WDR64: variants seen among roughly 807,000 people sequenced by gnomAD.
WDR64 encodes WD repeat domain 64, also known as WD repeat-containing protein 64.
In WDR64, 112 loss-of-function variants were observed where a neutral mutation model predicts 139.3. That is an observed-to-expected ratio of 0.80 (90% confidence interval 0.69 to 0.94). The LOEUF is 0.94. Among genes scored for constraint, WDR64 ranks in the 40% least tolerant of loss-of-function variants. The pLI is 0.00. For missense variants in WDR64, 1,206 were observed against 1,293.1 expected, an observed-to-expected ratio of 0.93 and a Z score of 1.03; for synonymous variants, 444 against 437.7, an observed-to-expected ratio of 1.01 and a Z score of -0.18.
intron 1 of WDR64, among the ~76,000 whole-genome samples, chr1:241,657,492 C>T (rs1185517023): frequency 6.6e-6 from 1 of 152,152 alleles, no homozygotes; most frequent in African/African-American, 2.4e-5. Context: ...CTGTAGGTAC[C>T]TCATACCTAC....
chr1:241,759,861 T>C (rs905489222), intron 15 of WDR64, among the ~76,000 whole-genome samples: 2 of 152,216 alleles, frequency 1.3e-5, no homozygotes, highest in Non-Finnish European at 2.9e-5. Flanking sequence ...CTCTATTTAT[T>C]AAACAATAAC....
chr1:241,728,755 C>G (rs1668954858), intron 10 of WDR64, among the ~76,000 whole-genome samples: 1 of 151,730 alleles, frequency 6.6e-6, no homozygotes, highest in Non-Finnish European at 1.5e-5. Context: ...TCAGCAAAAC[C>G]AATGGGAGCA....
At chr1:241,724,624 G>T (rs547681095) in intron 10 of WDR64, among the ~76,000 whole-genome samples, 1 of 152,204 alleles carries the variant, frequency 6.6e-6, no homozygotes, top group South Asian at 2.1e-4. Context: ...ATGAATTAAA[G>T]ATTTTAAATT....
At chr1:241,723,719 A>G (rs1486391246) in intron 10 of WDR64, among the ~76,000 whole-genome samples, 2 of 152,182 alleles carry the variant, frequency 1.3e-5, no homozygotes, top group Non-Finnish European at 2.9e-5. Context: ...CTTTCAATAG[A>G]TAGGAACATT....
intron 10 of WDR64, among the ~76,000 whole-genome samples, chr1:241,725,754 A>G (rs759796402): frequency 2.6e-5 from 4 of 152,106 alleles, no homozygotes; most frequent in Non-Finnish European, 1.5e-5. Flanking sequence ...AAACATGGCT[A>G]GTCCGAATTG....
At chr1:241,770,735 G>A (rs1484968546) in intron 18 of WDR64, 45 bp downstream of exon 18, 2 of 1,533,924 alleles carry the variant, frequency 1.3e-6, no homozygotes, top group Admixed American at 4.0e-5. Flanking sequence ...CATACTCAAT[G>A]TTGGTTCAAA....
rs576278955 is a variant in WDR64 at position 241,702,992 on chromosome 1, T to C, written c.975-8810T>C. Among the ~76,000 whole-genome samples, 303 of 152,296 alleles carry C rather than the reference T, an allele frequency of 2.0e-3. 1 individual carries two copies. The highest frequency in any genetic ancestry group is 7.1e-3 in the African/African-American group (297 of 41,558). The stretch of plus-strand genomic sequence containing the variant: ...TTTCTATTGCACCCTCCCTTGCCCC[T>C]TGGGAATGGGCACAATATGGATCAA... On this transcript the variant is annotated intron_variant, in intron 8 of 27. Transcript: ENST00000437684.
chr1:241,742,615 C>T (rs953364525), intron 12 of WDR64, among the ~76,000 whole-genome samples: 1 of 152,182 alleles, frequency 6.6e-6, no homozygotes, highest in East Asian at 1.9e-4. Context: ...CCTTGTTTAG[C>T]ATGTCATCAA....
chr1:241,775,033 C>T (rs1472930332), intron 20 of WDR64, 72 bp from the exon 21 acceptor site: 11 of 1,199,604 alleles, frequency 9.2e-6, no homozygotes, highest in Non-Finnish European at 1.3e-5. Flanking sequence ...ATAGAAAAAT[C>T]AATTTCAATA....
At chr1:241,723,774 T>C (rs947706510) in intron 10 of WDR64, among the ~76,000 whole-genome samples, 2 of 133,964 alleles carry the variant, frequency 1.5e-5, no homozygotes, top group Admixed American at 1.6e-4. Context: ...GTTTGAAACA[T>C]TCTAACCAAT....
intron 1 of WDR64, among the ~76,000 whole-genome samples, chr1:241,654,913 C>T (rs762569679): frequency 1.3e-5 from 2 of 152,054 alleles, no homozygotes; most frequent in Non-Finnish European, 2.9e-5. Flanking sequence ...AACTTGTGTC[C>T]TATTCCCAAG....
chr1:241,700,641 T>C (rs1053618071), intron 8 of WDR64, among the ~76,000 whole-genome samples: 1 of 152,326 alleles, frequency 6.6e-6, no homozygotes, highest in African/African-American at 2.4e-5. Flanking sequence ...AGAATTCTAA[T>C]GTAACCTTTG....
intron 21 of WDR64, among the ~76,000 whole-genome samples, chr1:241,778,718 A>G (rs1371447201): frequency 6.6e-6 from 1 of 152,110 alleles, no homozygotes; most frequent in Non-Finnish European, 1.5e-5. Context: ...AGTTAATAAT[A>G]TATATTCACA....
At chr1:241,662,410 T>A (rs982969342) in intron 2 of WDR64, among the ~76,000 whole-genome samples, 1 of 152,166 alleles carries the variant, frequency 6.6e-6, no homozygotes, top group Non-Finnish European at 1.5e-5. Flanking sequence ...TCTCAAGGCC[T>A]CAGCTTCTTG....
chr1:241,727,200 T>C (rs1668880550), intron 10 of WDR64, among the ~76,000 whole-genome samples: 1 of 152,170 alleles, frequency 6.6e-6, no homozygotes, highest in African/African-American at 2.4e-5. Flanking sequence ...GAAATTTTAA[T>C]TTTTTTAAGT....
rs1259635420 is a variant in WDR64, at chr1:241,794,515, T to TTTG, written c.2998-690_2998-689insGTT. On this transcript the variant is annotated intron_variant, in intron 25 of 27. Transcript: ENST00000437684. The stretch of plus-strand genomic sequence containing the variant: ...TTTTAAGCTTTACTGTTTTTTTTTT[T>TTTG]TTTTTTTTTTTGAGACAGAGTCTTG... Among the ~76,000 whole-genome samples, 31 of 143,272 alleles carry TTTG rather than the reference T, an allele frequency of 2.2e-4. 1 individual carries two copies. The highest frequency in any genetic ancestry group is 9.4e-4 in the South Asian group (4 of 4,256). The allele number at this position is 143,272 out of a possible 152,430, so 94.0% of individuals were successfully genotyped here. A position where few individuals can be genotyped will look rare whatever the true frequency, so the allele number is the denominator to read the frequency against.
chr1:241,693,425 G>T (rs1029687839), intron 8 of WDR64, among the ~76,000 whole-genome samples: 1 of 150,228 alleles, frequency 6.7e-6, no homozygotes, highest in African/African-American at 2.5e-5. Context: ...AGGGAGCATA[G>T]AGAATTTTAG....
Position 241,683,503 on chromosome 1 carries a change from T to C in WDR64, c.641T>C (p.Ile214Thr), listed in dbSNP as rs1176400520. ...TGTTTCTAGGAAAATTATTTTGTCA[T>C]AAAACCAATGGATCACTGCCTCCTG... ...QGSSQENYFV[I>T]KPMDHCLLCV... Residue 214 changes from isoleucine (I) to threonine (T), a missense_variant, in exon 7 of 28, where the codon ATA (isoleucine) becomes ACA (threonine). Ile to Thr is a moderately conservative substitution (Grantham distance 89, BLOSUM62 -1). Coordinates refer to ENST00000437684, the MANE Select transcript of WDR64 (RefSeq NM_001367482.1). 1 of 1,551,606 alleles carries C rather than the reference T, an allele frequency of 6.4e-7. No homozygotes were observed. The highest frequency in any genetic ancestry group is 8.7e-7 in the Non-Finnish European group (1 of 1,146,982).
chr1:241,671,258 A>G, intron 3 of WDR64, 82 bp downstream of exon 3: 1 of 973,300 alleles, frequency 1.0e-6, no homozygotes, highest in South Asian at 1.7e-5. Context: ...TTTCCATAGA[A>G]TCACTTTTCA....
Sources: gnomAD v4.1 joint callset for allele counts (sites outside exome capture counted in the v4.1 genomes callset) on GRCh38, gnomAD v4.1.1 for gene constraint, MANE v1.5 for transcripts, NCBI Gene and HGNC (gene_info 2026-07-23, HGNC 2026-07-21) for gene names.